Variants in DCAF8L2 observed in about 807,000 individuals in gnomAD.
The protein encoded by DCAF8L2 is DDB1 and CUL4 associated factor 8 like 2.
For synonymous variants in DCAF8L2, 200 were observed against 190.9 expected, an observed-to-expected ratio of 1.05 and a Z score of -0.39; for missense variants, 430 against 490.7, an observed-to-expected ratio of 0.88 and a Z score of 1.17.
At chrX:27,592,341 G>A (rs1926132030) in intron 1 of DCAF8L2, among the ~76,000 whole-genome samples, 1 of 111,833 alleles carries the variant, frequency 8.9e-6, no homozygotes, top group African/African-American at 3.2e-5. Context: ...GCACGTTCCT[G>A]TCAAGGGTGC....
chrX:27,497,549 CTTCT>C, the DCAF8L2 span, among the ~76,000 whole-genome samples: 11 of 64,425 alleles, frequency 1.7e-4, no homozygotes, highest in Non-Finnish European at 1.9e-4. Flanking sequence ...TCCTTCCTTC[CTTCT>C]TTCTTTCTTT....
intron 1 of DCAF8L2, among the ~76,000 whole-genome samples, chrX:27,613,396 A>C (rs1927287812): frequency 1.8e-5 from 2 of 111,568 alleles, no homozygotes; most frequent in Admixed American, 1.9e-4. Context: ...GTCATCTGCA[A>C]ACAGGGACAA....
chrX:27,701,392 G>A (rs747235872), intron 3 of DCAF8L2, among the ~76,000 whole-genome samples: 50 of 111,167 alleles, frequency 4.5e-4, no homozygotes, highest in Non-Finnish European at 8.7e-4. Context: ...ACAGACATCT[G>A]GAGAACACTC....
At chrX:27,606,382 T>TATATATATATA (rs1358332870) in intron 1 of DCAF8L2, among the ~76,000 whole-genome samples, 6 of 81,098 alleles carry the variant, frequency 7.4e-5, no homozygotes, top group African/African-American at 1.5e-4. Context: ...TATATATATA[T>TATATATATATA]TCTTTTGAGA....
the DCAF8L2 span, among the ~76,000 whole-genome samples, chrX:27,501,123 G>A: frequency 1.7e-3 from 191 of 110,885 alleles, no homozygotes; most frequent in Admixed American, 2.8e-3. Flanking sequence ...CTCTATAGAA[G>A]CTATGTAAGG....
intron 4 of DCAF8L2, among the ~76,000 whole-genome samples, chrX:27,734,044 A>G (rs936669966): frequency 1.3e-4 from 14 of 111,408 alleles, no homozygotes; most frequent in African/African-American, 4.6e-4. Context: ...TCTCAACACA[A>G]TAAAACTCAT....
chrX:27,553,603 A>G, the DCAF8L2 span, among the ~76,000 whole-genome samples: 1 of 111,052 alleles, frequency 9.0e-6, no homozygotes, highest in East Asian at 2.8e-4. Context: ...TTTGCATGGA[A>G]TATTTTTCCA....
At chrX:27,608,249 G>C (rs1373992456) in intron 1 of DCAF8L2, among the ~76,000 whole-genome samples, 1 of 111,355 alleles carries the variant, frequency 9.0e-6, no homozygotes, top group Non-Finnish European at 1.9e-5. Flanking sequence ...AAATTAAACA[G>C]TTTTCACTGC....
chrX:27,709,239 G>T (rs940948964), intron 3 of DCAF8L2, among the ~76,000 whole-genome samples: 1 of 112,592 alleles, frequency 8.9e-6, no homozygotes, highest in Non-Finnish European at 1.9e-5. Context: ...TGCTTCTTAA[G>T]TTGGTACCTT....
At chrX:27,562,293 T>C in the DCAF8L2 span, among the ~76,000 whole-genome samples, 1 of 112,638 alleles carries the variant, frequency 8.9e-6, no homozygotes, top group South Asian at 3.6e-4. Context: ...TCTAGTGCAT[T>C]GCACCTGCTA....
the DCAF8L2 span, among the ~76,000 whole-genome samples, chrX:27,576,292 G>A: frequency 3.5e-3 from 389 of 112,068 alleles, 1 homozygote; most frequent in African/African-American, 0.011. Context: ...GATATGCAGG[G>A]TTAAAGACAC....
At chrX:27,576,972 T>G in the DCAF8L2 span, among the ~76,000 whole-genome samples, 15 of 111,918 alleles carry the variant, frequency 1.3e-4, no homozygotes. Flanking sequence ...AACTGGCTGC[T>G]AGAAGGCTCT....
chrX:27,673,716 C>T (rs1569178675), intron 2 of DCAF8L2, among the ~76,000 whole-genome samples: 1 of 106,838 alleles, frequency 9.4e-6, no homozygotes, highest in Non-Finnish European at 1.9e-5. Flanking sequence ...TATATATATA[C>T]ACACACACAT....
chrX:27,607,085 G>A (rs754805846), intron 1 of DCAF8L2, among the ~76,000 whole-genome samples: 6 of 111,585 alleles, frequency 5.4e-5, no homozygotes, highest in African/African-American at 1.9e-4. Context: ...TAGGAAGGAG[G>A]CTAGAAATAT....
At chrX:27,533,331 G>A in the DCAF8L2 span, among the ~76,000 whole-genome samples, 1 of 109,781 alleles carries the variant, frequency 9.1e-6, no homozygotes, top group Non-Finnish European at 1.9e-5. Context: ...ACTTGAACCC[G>A]AGAGTTCAAG....
At chrX:27,601,487 G>A (rs1310893314) in intron 1 of DCAF8L2, among the ~76,000 whole-genome samples, 1 of 111,494 alleles carries the variant, frequency 9.0e-6, no homozygotes, top group Non-Finnish European at 1.9e-5. Context: ...ATTGCTTGGG[G>A]TTAGGAGTTT....
At chrX:27,738,559 C>T (rs929759729) in intron 4 of DCAF8L2, among the ~76,000 whole-genome samples, 7 of 112,115 alleles carry the variant, frequency 6.2e-5, no homozygotes, top group African/African-American at 2.3e-4. Context: ...CTCTGTCATC[C>T]TCAACTAGCA....
chrX:27,663,985 C>A (rs892789808), intron 2 of DCAF8L2, among the ~76,000 whole-genome samples: 1 of 106,544 alleles, frequency 9.4e-6, no homozygotes, highest in African/African-American at 3.4e-5. Context: ...GCTGGGATTA[C>A]AGGAGTCAGC....
intron 2 of DCAF8L2, among the ~76,000 whole-genome samples, chrX:27,635,786 CGTGTGTGTGTGTGTGTGTGTGTGT>C (rs754830405): frequency 5.5e-5 from 5 of 90,353 alleles, no homozygotes; most frequent in Non-Finnish European, 6.5e-5. Flanking sequence ...TTTCCTTTTA[CGTGTGTGTGTGTGTGTGTGTGTGT>C]GTGTGTGTGT....
Sources: allele counts gnomAD v4.1 joint callset (sites outside exome capture counted in the v4.1 genomes callset), GRCh38; gene constraint gnomAD v4.1.1; transcripts MANE v1.5; gene names NCBI Gene and HGNC (gene_info 2026-07-23, HGNC 2026-07-21).